The following USH2A variants were observed in gnomAD, a reference collection of about 807,000 sequenced individuals.
USH2A encodes Usher syndrome 2A (autosomal recessive, mild).
A neutral mutation model predicts 538.9 loss-of-function variants in USH2A; 443 were observed. That is an observed-to-expected ratio of 0.82 (90% CI 0.76 to 0.89). USH2A has a LOEUF of 0.89. Ranked by LOEUF, USH2A falls within the 40% of genes least tolerant of loss-of-function variation. USH2A has a pLI of 0.00. For synonymous variants in USH2A, 2,413 were observed against 2,273.5 expected, an observed-to-expected ratio of 1.06 and a Z score of -1.75; for missense variants, 6,633 against 6,324.8, an observed-to-expected ratio of 1.05 and a Z score of -1.65.
chr1:215,948,433 T>TACAC (rs1434238188), intron 37 of USH2A, among the ~76,000 whole-genome samples: 1 of 145,582 alleles, frequency 6.9e-6, no homozygotes, highest in African/African-American at 2.6e-5. Context: ...CAGATATATA[T>TACAC]ATATATATAT....
intron 21 of USH2A, among the ~76,000 whole-genome samples, chr1:216,171,392 A>C (rs2034273260): frequency 1.3e-5 from 2 of 152,058 alleles, no homozygotes; most frequent in African/African-American, 4.8e-5. Context: ...AATTAATTTT[A>C]CTATTTTCAA....
intron 35 of USH2A, among the ~76,000 whole-genome samples, chr1:215,984,617 G>T (rs1239451845): frequency 6.6e-6 from 1 of 152,154 alleles, no homozygotes; most frequent in East Asian, 1.9e-4. Context: ...TGCTCAATAG[G>T]TTGTCATATA....
intron 65 of USH2A, among the ~76,000 whole-genome samples, chr1:215,649,898 T>G (rs536962625): frequency 7.2e-5 from 11 of 152,302 alleles, no homozygotes; most frequent in African/African-American, 1.2e-4. Context: ...GCTGGTATCT[T>G]CATTTAAATA....
rs377203802 is a variant in USH2A at position 216,196,577 on chromosome 1, C to T, written c.4227G>A (p.Gln1409=). 1.1e-5 allele frequency: 17 copies of T among 1,613,498 alleles called. No individual in the cohort carries two copies. The African/African-American group carries it at 1.7e-4, about 16-fold the overall frequency. Residue 1409 remains glutamine, a synonymous_variant, in exon 19 of 72, where the codon CAG becomes CAA. Coordinates refer to ENST00000307340, the MANE Select transcript of USH2A (RefSeq NM_206933.4). ...CCTGTGAAAACGCCATGGGAATAGA[C>T]TGTTGAGGTGATTGTTCAGAAAGCA... ...INMLSEQSPQ[Q]SIPMAFSQLL...
At chr1:216,031,729 A>G (rs1669131600) in intron 32 of USH2A, among the ~76,000 whole-genome samples, 2 of 152,188 alleles carry the variant, frequency 1.3e-5, no homozygotes, top group African/African-American at 4.8e-5. Flanking sequence ...AAATATCTCA[A>G]CATAACTTAG....
intron 38 of USH2A, among the ~76,000 whole-genome samples, chr1:215,917,277 A>G (rs759982723): frequency 1.2e-4 from 19 of 152,080 alleles, no homozygotes; most frequent in Non-Finnish European, 2.5e-4. Context: ...AGCATTTCTT[A>G]GCATTCCTAT....
At chr1:216,241,147 G>A (rs184745134) in intron 13 of USH2A, among the ~76,000 whole-genome samples, 4 of 152,150 alleles carry the variant, frequency 2.6e-5, no homozygotes, top group Non-Finnish European at 5.9e-5. Flanking sequence ...CCAAATAAAG[G>A]GATTGCTAAG....
At position 215,650,718 on chromosome 1, in the gene USH2A, T is replaced by C; in HGVS notation, c.14217A>G (p.Arg4739=). Residue 4739 remains arginine (R), a synonymous_variant, in exon 65 of 72, where the codon AGA becomes AGG. Transcript: ENST00000307340. ...RTGPAPPEGL[R]APTFHVISST... is the part of the protein sequence containing the mutation. ...AAGAGATCACATGGAACGTGGGGGCTCTGAGACCTTCTGGTGGGGCTGGCC... is the reference window on the plus strand; with the variant it reads ...AAGAGATCACATGGAACGTGGGGGCCCTGAGACCTTCTGGTGGGGCTGGCC... The C allele has an allele frequency of 6.2e-7, 1 of 1,613,868 alleles. No homozygotes were observed. The highest frequency in any genetic ancestry group is 2.2e-5 in the East Asian group (1 of 44,828).
chr1:215,744,197 A>G (rs1028956415), intron 58 of USH2A, among the ~76,000 whole-genome samples: 2 of 152,176 alleles, frequency 1.3e-5, no homozygotes, highest in African/African-American at 4.8e-5. Context: ...ATCATGGTCT[A>G]CCTAGAGAAT....
In USH2A at chr1:216,078,337, G is replaced by T. The variant is rs1324420865; in HGVS notation, c.5324C>A (p.Thr1775Asn). The change falls in exon 27 of 72, where the codon ACC becomes AAC. Residue 1775 changes from threonine (T) to asparagine (N), a missense_variant. Thr to Asn is a moderately conservative substitution (Grantham distance 65, BLOSUM62 0). Coordinates refer to ENST00000307340, the MANE Select transcript of USH2A (RefSeq NM_206933.4). ...LAMELKSGIL[T>N]FRLNTSLAFT... Reference sequence around the variant, plus strand: ...GGCAAGACTGGTATTTAACCGGAAGGTCAATATTCCACTTTTCAGCTCCAT... The same window carrying T: ...GGCAAGACTGGTATTTAACCGGAAGTTCAATATTCCACTTTTCAGCTCCAT... 1.9e-6 allele frequency: 3 copies of T among 1,613,486 alleles called. No individual in the cohort carries two copies. Among genetic ancestry groups the T allele is most frequent in the African/African-American group, 2.7e-5 (2 of 74,856 alleles).
chr1:215,958,658 C>A (rs781343148), intron 37 of USH2A, among the ~76,000 whole-genome samples: 11 of 152,006 alleles, frequency 7.2e-5, no homozygotes, highest in Non-Finnish European at 1.0e-4. Flanking sequence ...CTTTAAGGCA[C>A]CCCACTCCTT....
At chr1:216,179,648 T>G (rs533129801) in intron 20 of USH2A, among the ~76,000 whole-genome samples, 4 of 152,206 alleles carry the variant, frequency 2.6e-5, no homozygotes, top group South Asian at 2.1e-4. Flanking sequence ...AAGGGGGAAT[T>G]AAGTGAAATT....
At chr1:216,379,212 T>C (rs2038889167) in intron 3 of USH2A, among the ~76,000 whole-genome samples, 1 of 152,184 alleles carries the variant, frequency 6.6e-6, no homozygotes, top group Admixed American at 6.5e-5. Context: ...CCCCTGCCCA[T>C]GGAGGCTGTA....
At chr1:215,961,727 T>C (rs944900998) in intron 37 of USH2A, among the ~76,000 whole-genome samples, 1 of 151,788 alleles carries the variant, frequency 6.6e-6, no homozygotes, top group Non-Finnish European at 1.5e-5. Context: ...ATTTAGGAGC[T>C]CTTGGAGATG....
At chr1:215,702,214 G>T (rs1202913269) in intron 61 of USH2A, among the ~76,000 whole-genome samples, 2 of 152,124 alleles carry the variant, frequency 1.3e-5, no homozygotes, top group African/African-American at 2.4e-5. Flanking sequence ...GCTTCCCTTT[G>T]TAGGTAACCC....
At chr1:215,805,332 A>G (rs1662469960) in intron 49 of USH2A, among the ~76,000 whole-genome samples, 1 of 152,106 alleles carries the variant, frequency 6.6e-6, no homozygotes, top group South Asian at 2.1e-4. Context: ...CCAGACACAA[A>G]AAGACAAATA....
chr1:216,276,204 T>C (rs2036667910), intron 11 of USH2A, among the ~76,000 whole-genome samples: 1 of 152,184 alleles, frequency 6.6e-6, no homozygotes. Flanking sequence ...ACTGAATTAA[T>C]GAACTACAAT....
At chr1:216,287,989 G>A (rs577529800) in intron 11 of USH2A, among the ~76,000 whole-genome samples, 27 of 152,278 alleles carry the variant, frequency 1.8e-4, no homozygotes, top group African/African-American at 6.0e-4. Context: ...ATGTTGGAAA[G>A]AGAGAAGAAG....
At chr1:215,782,268 C>A in intron 53 of USH2A, 72 bp from the exon 54 acceptor site, 1 of 1,522,806 alleles carries the variant, frequency 6.6e-7, no homozygotes, top group Non-Finnish European at 9.1e-7. Flanking sequence ...ACTTACAAAT[C>A]TTAGTGTTCG....
Sources: allele counts gnomAD v4.1 joint callset (sites outside exome capture counted in the v4.1 genomes callset), GRCh38; gene constraint gnomAD v4.1.1; transcripts MANE v1.5; gene names NCBI Gene and HGNC (gene_info 2026-07-23, HGNC 2026-07-21).